PTPRR: variants seen among roughly 807,000 people sequenced by gnomAD.
The protein encoded by PTPRR is protein tyrosine phosphatase receptor type R, also known as receptor-type tyrosine-protein phosphatase R.
PTPRR carries 38 observed loss-of-function variants against 77.2 expected under a neutral mutation model. The ratio of observed to expected loss-of-function variants is 0.49; its 90% CI spans 0.38 to 0.65. The LOEUF is 0.65. Ranked by LOEUF, PTPRR falls within the 30% of genes least tolerant of loss-of-function variation. PTPRR has a pLI of 0.00. For synonymous variants in PTPRR, 299 were observed against 283.1 expected (o/e 1.06, Z -0.57); for missense variants, 744 against 799.2 (o/e 0.93, Z 0.83).
At chr12:70,707,366 T>C (rs971512692) in intron 6 of PTPRR, among the ~76,000 whole-genome samples, 5 of 152,110 alleles carry the variant, frequency 3.3e-5, no homozygotes, top group African/African-American at 1.2e-4. Flanking sequence ...TCTTTTATGA[T>C]TTACTTTTAA....
At chr12:70,882,945 T>C (rs974362472) in intron 2 of PTPRR, among the ~76,000 whole-genome samples, 1 of 152,190 alleles carries the variant, frequency 6.6e-6, no homozygotes, top group African/African-American at 2.4e-5. Context: ...TCTATACACC[T>C]CTATGAAGTT....
intron 1 of PTPRR, 88 bp downstream of exon 1, chr12:70,920,245 C>G: frequency 7.1e-7 from 1 of 1,417,550 alleles, no homozygotes; most frequent in Non-Finnish European, 9.8e-7. Context: ...AGGCTTTCTT[C>G]GCAAGGCAAG....
chr12:70,829,697 A>T (rs1163896270), intron 2 of PTPRR, among the ~76,000 whole-genome samples: 2 of 152,082 alleles, frequency 1.3e-5, no homozygotes, highest in African/African-American at 2.4e-5. Flanking sequence ...ACCAGTTGAG[A>T]ACTTTGACCT....
chr12:70,890,848 T>C (rs1432377322), intron 2 of PTPRR, among the ~76,000 whole-genome samples: 2 of 152,130 alleles, frequency 1.3e-5, no homozygotes, highest in African/African-American at 4.8e-5. Flanking sequence ...GTATGCCCCA[T>C]CCATACATCC....
chr12:70,740,006 T>C (rs1257311715), intron 6 of PTPRR, among the ~76,000 whole-genome samples: 1 of 152,162 alleles, frequency 6.6e-6, no homozygotes, highest in Non-Finnish European at 1.5e-5. Context: ...CCCAACAAGA[T>C]GGTCTATGCC....
chr12:70,910,220 C>T (rs1182231200), intron 1 of PTPRR, among the ~76,000 whole-genome samples: 1 of 152,056 alleles, frequency 6.6e-6, no homozygotes. Context: ...TTCAGTGTTC[C>T]AGGTTCCATG....
intron 2 of PTPRR, among the ~76,000 whole-genome samples, chr12:70,879,578 G>C (rs578011788): frequency 2.6e-5 from 4 of 152,126 alleles, no homozygotes; most frequent in African/African-American, 9.7e-5. Context: ...ATTAAGATTG[G>C]ACTGATGTTG....
At chr12:70,912,122 A>G (rs1422633949) in intron 1 of PTPRR, among the ~76,000 whole-genome samples, 1 of 152,218 alleles carries the variant, frequency 6.6e-6, no homozygotes, top group African/African-American at 2.4e-5. Context: ...CTTATGATTG[A>G]AAGCCATACA....
At chr12:70,805,470 C>T (rs1224249738) in intron 2 of PTPRR, among the ~76,000 whole-genome samples, 1 of 152,126 alleles carries the variant, frequency 6.6e-6, no homozygotes, top group Admixed American at 6.6e-5. Context: ...CCTCCCACCT[C>T]ATCCTCCCAA....
At chr12:70,758,858 T>C (rs143682975) in intron 4 of PTPRR, among the ~76,000 whole-genome samples, 66 of 152,264 alleles carry the variant, frequency 4.3e-4, no homozygotes, top group African/African-American at 1.5e-3. Flanking sequence ...ACAAACATCA[T>C]TTATTGTTTG....
At chr12:70,776,101 T>G (rs987178259) in intron 2 of PTPRR, among the ~76,000 whole-genome samples, 1 of 152,160 alleles carries the variant, frequency 6.6e-6, no homozygotes, top group Non-Finnish European at 1.5e-5. Context: ...TTACCCAAAC[T>G]GAACTTACCT....
chr12:70,794,646 C>T (rs1891479392), intron 2 of PTPRR, among the ~76,000 whole-genome samples: 1 of 152,156 alleles, frequency 6.6e-6, no homozygotes. Flanking sequence ...GTATTTAGTG[C>T]AGAGCTTCAG....
At chr12:70,797,780 C>G (rs2137016624) in intron 2 of PTPRR, among the ~76,000 whole-genome samples, 1 of 152,286 alleles carries the variant, frequency 6.6e-6, no homozygotes, top group Non-Finnish European at 1.5e-5. Flanking sequence ...TTCTCCAATG[C>G]CAGTGGTGTT....
At chr12:70,672,369 C>G (rs1257100699) in intron 10 of PTPRR, 20 of 1,358,434 alleles carry the variant, frequency 1.5e-5, no homozygotes, top group Non-Finnish European at 2.1e-5. Context: ...GTCCTCCCAT[C>G]AGAGAGCCAG....
intron 4 of PTPRR, among the ~76,000 whole-genome samples, chr12:70,759,745 G>C (rs1466124884): frequency 7.8e-6 from 1 of 128,956 alleles, no homozygotes; most frequent in African/African-American, 2.9e-5. Flanking sequence ...ACATACAAAA[G>C]CATGAAGGAA....
chr12:70,892,224 C>T (rs1006461647), intron 2 of PTPRR, among the ~76,000 whole-genome samples: 2 of 151,966 alleles, frequency 1.3e-5, no homozygotes, highest in African/African-American at 4.8e-5. Context: ...CTCCCTCTAC[C>T]ACACCTCCCC....
intron 2 of PTPRR, among the ~76,000 whole-genome samples, chr12:70,868,770 A>G (rs1280919021): frequency 6.6e-6 from 1 of 152,092 alleles, no homozygotes; most frequent in Non-Finnish European, 1.5e-5. Flanking sequence ...CACAATAGCA[A>G]AGACTTGGAA....
rs754717760 is a variant in PTPRR at position 70,684,169 on chromosome 12, G to A, written c.1455C>T (p.Ser485=). The A allele has an allele frequency of 6.2e-7, 1 of 1,613,808 alleles. No individual in the cohort carries two copies. The highest frequency in any genetic ancestry group is 2.2e-5 in the East Asian group (1 of 44,890). The change falls in exon 10 of 14, where the codon AGC becomes AGT. Residue 485 remains serine, a synonymous_variant. Transcript: ENST00000283228. ...DFWQMVWQED[S]PVIVMITKLK... ...GTTTTGTGATCATAACAATCACAGG[G>A]CTGTCTTCCTGCCAAACCATCTGCC... is the stretch of plus-strand genomic sequence containing the variant.
intron 6 of PTPRR, among the ~76,000 whole-genome samples, chr12:70,729,758 C>T (rs1243396791): frequency 6.6e-6 from 1 of 151,928 alleles, no homozygotes; most frequent in East Asian, 1.9e-4. Flanking sequence ...AAGAGACATC[C>T]TTACCTCCAA....
Sources: allele counts gnomAD v4.1 joint callset (sites outside exome capture counted in the v4.1 genomes callset), GRCh38; gene constraint gnomAD v4.1.1; transcripts MANE v1.5; gene names NCBI Gene and HGNC (gene_info 2026-07-23, HGNC 2026-07-21).